The following CRBN variants were observed in gnomAD, a reference collection of about 807,000 sequenced individuals.
CRBN encodes protein cereblon.
CRBN carries 53 observed loss-of-function variants against 62.2 expected under a neutral mutation model. The observed-to-expected ratio is 0.85, with a 90% CI of 0.68 to 1.07. The LOEUF (loss-of-function observed/expected upper bound fraction) is 1.07, where lower values mean the gene tolerates loss of function less well. Among genes scored for constraint, CRBN ranks in the 50% least tolerant of loss-of-function variants. The pLI is 0.00. For synonymous variants in CRBN, 208 were observed against 176.1 expected (o/e 1.18, Z -1.43); for missense variants, 616 against 531.1 (o/e 1.16, Z -1.57).
intron 4 of CRBN, among the ~76,000 whole-genome samples, chr3:3,170,037 C>T (rs956172065): frequency 3.3e-5 from 5 of 151,860 alleles, no homozygotes; most frequent in Admixed American, 2.0e-4. Context: ...TGGAGTGCAG[C>T]GGTATAATCT....
Position 3,150,277 on chromosome 3 carries a change from C to A in CRBN, c.*588G>T, listed in dbSNP as rs942117489. On this transcript the variant is annotated 3_prime_UTR_variant, in exon 11 of 11. Coordinates refer to ENST00000231948, the MANE Select transcript of CRBN (RefSeq NM_016302.4). ...AGGAAATGACAACTATTCGTGGGCT[C>A]AAAAAACTGCATATTTTAACTAATT... 1 of 152,070 alleles carries A rather than the reference C, an allele frequency of 6.6e-6. No individual in the cohort carries two copies. Among genetic ancestry groups the A allele is most frequent in the Admixed American group, 6.5e-5 (1 of 15,308 alleles). The allele number at this position is 152,070 out of a possible 1,614,324, so 9.4% of individuals were successfully genotyped here.
chr3:3,157,047 C>G (rs535364513), intron 5 of CRBN, among the ~76,000 whole-genome samples: 1 of 152,062 alleles, frequency 6.6e-6, no homozygotes, highest in Non-Finnish European at 1.5e-5. Context: ...CAGTGCAATA[C>G]CAGTGAGAAT....
chr3:3,152,577 A>T lies in CRBN; in HGVS notation c.1027T>A (p.Cys343Ser), dbSNP rs750807009. ...TTCACATAAGCTGCCATCGGCCCAC[A>T]TAAGGATAAACTAAAACAAAGAATC... ...TKNEIFSLSL[C>S]GPMAAYVNPH... The change falls in exon 10 of 11, where the codon TGT (cysteine) becomes AGT (serine). Residue 343 changes from cysteine to serine, a missense_variant. By Grantham distance (112) the Cys-to-Ser change is moderately radical (BLOSUM62 -1). Coordinates refer to ENST00000231948, the MANE Select transcript of CRBN (RefSeq NM_016302.4). The T allele has an allele frequency of 6.2e-7, 1 of 1,614,124 alleles. No individual in the cohort carries two copies. Among genetic ancestry groups the T allele is most frequent in the East Asian group, 2.2e-5 (1 of 44,880 alleles).
Position 3,174,206 on chromosome 3 carries a change from C to T in CRBN, c.230G>A (p.Ser77Asn). 1 of 1,614,182 alleles carries T rather than the reference C, an allele frequency of 6.2e-7. No individual in the cohort carries two copies. Among genetic ancestry groups the T allele is most frequent in the Non-Finnish European group, 8.5e-7 (1 of 1,180,032 alleles). The change falls in exon 3 of 11, where the codon AGC (serine) becomes AAC (asparagine). Residue 77 changes from serine (S) to asparagine (N), a missense_variant. Transcript: ENST00000231948. The part of the protein sequence containing the change: ...FHGRTLHDDD[S>N]CQVIPVLPQV... ...TGGAAGAACTGGAATCACCTGACAG[C>T]TGTCGTCATCGTGCAAAGTCCTGCC...
At chr3:3,152,694 C>T (rs1706663535) in intron 9 of CRBN, 107 bp from the exon 10 acceptor site, 2 of 1,347,894 alleles carry the variant, frequency 1.5e-6, no homozygotes, top group South Asian at 1.2e-5. Flanking sequence ...ATGAGCTATA[C>T]AGTTTTTAAT....
intron 7 of CRBN, 141 bp from the exon 8 acceptor site, chr3:3,154,216 A>C (rs1002082082): frequency 1.7e-5 from 11 of 640,636 alleles, no homozygotes; most frequent in Non-Finnish European, 2.8e-5. Flanking sequence ...ATACAAAAAT[A>C]TACCAGCTGT....
At chr3:3,167,250 A>C (rs1707385910) in intron 5 of CRBN, among the ~76,000 whole-genome samples, 1 of 152,054 alleles carries the variant, frequency 6.6e-6, no homozygotes, top group Non-Finnish European at 1.5e-5. Flanking sequence ...AGGAAAACAG[A>C]CTCTACTTCT....
intron 5 of CRBN, chr3:3,156,806 AG>A (rs1706910846): frequency 6.4e-6 from 1 of 155,772 alleles, no homozygotes; most frequent in South Asian, 1.9e-4. Flanking sequence ...ACTCAAGGAG[AG>A]GGGAAACCGA....
At position 3,154,012 on chromosome 3, in the gene CRBN, T is replaced by A; in HGVS notation, c.899A>T (p.Lys300Ile). The change falls in exon 8 of 11, where the codon AAA becomes ATA. Residue 300 changes from lysine to isoleucine, a missense_variant. Transcript: ENST00000231948. ...AAGTCGCTGGATAGCACTGCCAATT[T>A]TAAGGAGCTGAATTCTCAATACATC... The part of the protein sequence containing the change: ...IDDVLRIQLL[K>I]IGSAIQRLRC... The A allele has an allele frequency of 1.2e-6, 2 of 1,613,846 alleles. No individual in the cohort carries two copies. Among genetic ancestry groups the A allele is most frequent in the Non-Finnish European group, 1.7e-6 (2 of 1,179,756 alleles).
At chr3:3,162,149 T>C (rs183099431) in intron 5 of CRBN, among the ~76,000 whole-genome samples, 1 of 152,308 alleles carries the variant, frequency 6.6e-6, no homozygotes, top group East Asian at 1.9e-4. Flanking sequence ...CTCATTACTT[T>C]CTTAGTATCT....
chr3:3,161,785 A>C (rs1291406675), intron 5 of CRBN, among the ~76,000 whole-genome samples: 1 of 152,236 alleles, frequency 6.6e-6, no homozygotes, highest in African/African-American at 2.4e-5. Context: ...TACCTATATA[A>C]AAGGTCATTT....
intron 9 of CRBN, 60 bp downstream of exon 9, chr3:3,153,364 T>TA: frequency 1.0e-6 from 1 of 972,834 alleles, no homozygotes; most frequent in Non-Finnish European, 1.7e-6. Context: ...AAAACAGAAA[T>TA]ACAGTCTTCA....
At chr3:3,175,924 C>T (rs1461851166) in intron 1 of CRBN, among the ~76,000 whole-genome samples, 1 of 152,166 alleles carries the variant, frequency 6.6e-6, no homozygotes, top group Non-Finnish European at 1.5e-5. Context: ...TGCCAATGTG[C>T]TGTTTTTATT....
chr3:3,174,614 G>C (rs572475950), intron 2 of CRBN, among the ~76,000 whole-genome samples: 1 of 152,080 alleles, frequency 6.6e-6, no homozygotes, highest in Admixed American at 6.5e-5. Flanking sequence ...GCACTCACTC[G>C]AGCTTGGGCG....
chr3:3,172,640 G>T, intron 4 of CRBN, 136 bp downstream of exon 4: 1 of 893,362 alleles, frequency 1.1e-6, no homozygotes, highest in Non-Finnish European at 1.8e-6. Flanking sequence ...AAACCACTGG[G>T]CTATACCTTA....
chr3:3,178,474 C>A (rs566542726), intron 1 of CRBN, among the ~76,000 whole-genome samples: 1 of 152,314 alleles, frequency 6.6e-6, no homozygotes, highest in African/African-American at 2.4e-5. Flanking sequence ...GCAAGAGATG[C>A]CAGTTTCCCA....
intron 5 of CRBN, among the ~76,000 whole-genome samples, chr3:3,160,683 G>A (rs1339767599): frequency 1.3e-5 from 2 of 152,192 alleles, no homozygotes; most frequent in Non-Finnish European, 2.9e-5. Flanking sequence ...AAGTTCACAA[G>A]GAAATGTTAA....
At chr3:3,173,025 TC>T in intron 3 of CRBN, 100 bp from the exon 4 acceptor site, 2 of 877,554 alleles carry the variant, frequency 2.3e-6, no homozygotes, top group Non-Finnish European at 3.9e-6. Context: ...ATTTATAGAA[TC>T]AACCCTTACT....
chr3:3,174,816 A>C (rs1022627895), intron 2 of CRBN, among the ~76,000 whole-genome samples: 4 of 152,210 alleles, frequency 2.6e-5, no homozygotes, highest in African/African-American at 9.6e-5. Flanking sequence ...AGTACAAAGT[A>C]TTATTTTTAC....
Sources: allele counts gnomAD v4.1 joint callset (sites outside exome capture counted in the v4.1 genomes callset), GRCh38; gene constraint gnomAD v4.1.1; transcripts MANE v1.5; gene names NCBI Gene and HGNC (gene_info 2026-07-23, HGNC 2026-07-21).